PCDHA9: variants seen among roughly 807,000 people sequenced by gnomAD.
PCDHA9 encodes protocadherin alpha 9.
Under a neutral mutation model 62.0 loss-of-function variants are expected in PCDHA9, and 62 were observed. The observed-to-expected ratio is 1.00, with a 90% CI of 0.81 to 1.23. The LOEUF (loss-of-function observed/expected upper bound fraction) is 1.23. Among genes scored for constraint, PCDHA9 ranks in the 50% most tolerant of loss-of-function variants. The probability of loss-of-function intolerance (pLI) is 0.00; values close to 1 mark genes in which losing one functional copy is unlikely to be tolerated. For synonymous variants in PCDHA9, 557 were observed against 567.6 expected, an observed-to-expected ratio of 0.98 and a Z score of 0.27; for missense variants, 1,205 against 1,249.8, an observed-to-expected ratio of 0.96 and a Z score of 0.54.
At chr5:140,962,947 A>T (rs2153733915) in intron 1 of PCDHA9, among the ~76,000 whole-genome samples, 2 of 152,320 alleles carry the variant, frequency 1.3e-5, no homozygotes, top group Admixed American at 1.3e-4. Context: ...TCCATAAGAT[A>T]TGCTCTATCC....
intron 3 of PCDHA9, among the ~76,000 whole-genome samples, chr5:141,000,180 T>G (rs2153962126): frequency 6.6e-6 from 1 of 151,688 alleles, no homozygotes; most frequent in South Asian, 2.1e-4. Flanking sequence ...AGCCAAGGAG[T>G]CAATGTGAGA....
rs56843453 is a variant in PCDHA9 at position 141,000,391 on chromosome 5, C to A, written c.2543-9236C>A. Reference sequence around the variant, plus strand: ...TCTCTCTCTCTCTCTCTCTCTCTCTCTCTCTATATATATATATATATATAT... The same window carrying A: ...TCTCTCTCTCTCTCTCTCTCTCTCTATCTCTATATATATATATATATATAT... On this transcript the variant is annotated intron_variant, in intron 3 of 3. Transcript: ENST00000532602. Among the ~76,000 whole-genome samples the A allele has an allele frequency of 8.6e-3, 487 of 56,544 alleles. 1 individual carries two copies. Among genetic ancestry groups the A allele is most frequent in the Non-Finnish European group, 9.4e-3 (310 of 32,842 alleles). The allele number at this position is 56,544 out of a possible 152,430, so 37.1% of individuals were successfully genotyped here.
Position 140,857,690 on chromosome 5 carries a change from T to G in PCDHA9, c.2394+6801T>G, listed in dbSNP as rs184684054. On this transcript the variant is annotated intron_variant, in intron 1 of 3. Transcript: ENST00000532602. ...GGGCGTGCCGCCTCTGGGCAGCAAC[T>G]TGACGCTGCAGGTGTTCGTGCTGGA... 2.4e-3 allele frequency: 3,841 copies of G among 1,597,044 alleles called. 312 individuals are homozygous for G. In the African/African-American group the frequency reaches 0.036, roughly 15 times the overall value.
chr5:140,894,554 G>GAAA (rs1204407145), intron 1 of PCDHA9, among the ~76,000 whole-genome samples: 2 of 151,600 alleles, frequency 1.3e-5, no homozygotes, highest in African/African-American at 4.8e-5. Context: ...GTTTACTTCT[G>GAAA]AAAAAATTAT....
In PCDHA9 at chr5:141,009,476, C is replaced by G. The variant is rs970744618; in HGVS notation, c.2543-151C>G. ...TTAAACAAATAAATAAATAAGTAAA[C>G]ACTTGCCTTGCCCTCAGACTTGAAC... On this transcript the variant is annotated intron_variant, in intron 3 of 3. Coordinates refer to ENST00000532602, the MANE Select transcript of PCDHA9 (RefSeq NM_031857.2). 2.3e-5 allele frequency: 32 copies of G among 1,420,036 alleles called. No individual in the cohort carries two copies. The East Asian group carries it at 7.2e-4, about 32-fold the overall frequency. 88.0% of individuals were successfully genotyped at this position (1,420,036 alleles called of 1,614,324 possible).
chr5:140,869,587 A>G (rs1581901588), intron 1 of PCDHA9: 1 of 1,614,158 alleles, frequency 6.2e-7, no homozygotes, highest in African/African-American at 1.3e-5. Flanking sequence ...TGATGCTGAC[A>G]TTGAAGAGAA....
At chr5:140,932,946 G>A (rs1554209125) in intron 1 of PCDHA9, among the ~76,000 whole-genome samples, 1 of 151,982 alleles carries the variant, frequency 6.6e-6, no homozygotes, top group East Asian at 1.9e-4. Flanking sequence ...TGGAATGAAG[G>A]TGGACTAAAT....
chr5:140,942,255 A>G (rs2093254394), intron 1 of PCDHA9, among the ~76,000 whole-genome samples: 1 of 152,194 alleles, frequency 6.6e-6, no homozygotes, highest in Non-Finnish European at 1.5e-5. Context: ...TCATTAAAAG[A>G]TATCTAAAGC....
intron 1 of PCDHA9, among the ~76,000 whole-genome samples, chr5:140,948,360 C>T (rs1258504765): frequency 6.6e-6 from 1 of 151,494 alleles, no homozygotes; most frequent in Non-Finnish European, 1.5e-5. Context: ...AATAAAATGA[C>T]TTAGGAGGTG....
chr5:140,871,598 G>A (rs2053214620), intron 1 of PCDHA9: 1 of 1,452,006 alleles, frequency 6.9e-7, no homozygotes, highest in African/African-American at 1.4e-5. Flanking sequence ...TGAATAACCA[G>A]TGTTTTGAAT....
At chr5:140,949,405 AC>A (rs1554218939) in intron 1 of PCDHA9, among the ~76,000 whole-genome samples, 1 of 151,820 alleles carries the variant, frequency 6.6e-6, no homozygotes, top group African/African-American at 2.4e-5. Flanking sequence ...GTTAAAAATC[AC>A]CTATCATCAT....
At chr5:140,870,941 C>A in intron 1 of PCDHA9, 1 of 1,613,712 alleles carries the variant, frequency 6.2e-7, no homozygotes, top group Non-Finnish European at 8.5e-7. Context: ...TTGCAGCCGG[C>A]GGCGGGCGGC....
In PCDHA9 at chr5:140,849,990, T is replaced by C. The variant is rs2150462015; in HGVS notation, c.1495T>C (p.Leu499=). The change falls in exon 1 of 4, where the codon TTG becomes CTG. Residue 499 remains leucine, a synonymous_variant. Coordinates refer to ENST00000532602, the MANE Select transcript of PCDHA9 (RefSeq NM_031857.2). ...GTCCTACTCGCTGGTGGAGCGGCGG[T>C]TGGGCGAGCGCTCGCTGTCGAGCTA... The part of the protein sequence containing the change: ...LVSYSLVERR[L]GERSLSSYVS... 88 of 1,596,734 alleles carry C rather than the reference T, an allele frequency of 5.5e-5. 7 individuals carry two copies. Among genetic ancestry groups the C allele is most frequent in the Non-Finnish European group, 6.9e-5 (80 of 1,167,720 alleles).
At chr5:140,892,152 C>T (rs1364975733) in intron 1 of PCDHA9, among the ~76,000 whole-genome samples, 1 of 152,118 alleles carries the variant, frequency 6.6e-6, no homozygotes, top group African/African-American at 2.4e-5. Context: ...GCGTCTATTT[C>T]TGATATGTCC....
intron 1 of PCDHA9, chr5:140,870,529 G>C: frequency 6.2e-7 from 1 of 1,614,214 alleles, no homozygotes. Flanking sequence ...CATCTTCACA[G>C]TGTCGGCGCG....
At chr5:140,974,910 C>T (rs1054560750) in intron 1 of PCDHA9, among the ~76,000 whole-genome samples, 1 of 152,114 alleles carries the variant, frequency 6.6e-6, no homozygotes, top group Admixed American at 6.5e-5. Flanking sequence ...AACAAATTAC[C>T]ACAAGTAAGT....
chr5:140,867,025 C>G lies in PCDHA9; in HGVS notation c.2394+16136C>G, dbSNP rs560327933. 2.6e-5 allele frequency: 4 copies of G among 152,270 alleles called. No homozygotes were observed. The East Asian group carries it at 7.7e-4, about 29-fold the overall frequency. The allele number at this position is 152,270 out of a possible 1,614,324, so 9.4% of individuals were successfully genotyped here. Reference sequence around the variant, plus strand: ...TCATTGATTCATACACTATATCAAACTCTTTTATGACTTGGCGTTTGTTCA... The same window carrying G: ...TCATTGATTCATACACTATATCAAAGTCTTTTATGACTTGGCGTTTGTTCA... On this transcript the variant is annotated intron_variant, in intron 1 of 3. Transcript: ENST00000532602.
chr5:140,925,499 T>C (rs2082524680), intron 1 of PCDHA9, among the ~76,000 whole-genome samples: 1 of 152,018 alleles, frequency 6.6e-6, no homozygotes, highest in African/African-American at 2.4e-5. Flanking sequence ...ACTGTCCCAA[T>C]ATCCACGCAA....
intron 1 of PCDHA9, chr5:140,927,723 A>G: frequency 6.2e-7 from 1 of 1,614,220 alleles, no homozygotes; most frequent in Non-Finnish European, 8.5e-7. Context: ...ACAGCACGCA[A>G]GCAGAGCTGC....
Sources: gnomAD v4.1 joint callset for allele counts (sites outside exome capture counted in the v4.1 genomes callset) on GRCh38, gnomAD v4.1.1 for gene constraint, MANE v1.5 for transcripts, NCBI Gene and HGNC (gene_info 2026-07-23, HGNC 2026-07-21) for gene names.